The following DNAH5 variants were observed in gnomAD, a reference collection of about 807,000 sequenced individuals.
The protein encoded by DNAH5 is axonemal beta dynein heavy chain 5.
Under a neutral mutation model 518.2 loss-of-function variants are expected in DNAH5, and 372 were observed. That is an observed-to-expected ratio of 0.72 (90% CI 0.66 to 0.78). The LOEUF (loss-of-function observed/expected upper bound fraction) is 0.78, where lower values mean the gene tolerates loss of function less well. Ranked by LOEUF, DNAH5 falls within the 30% of genes least tolerant of loss-of-function variation. The probability of loss-of-function intolerance (pLI) is 0.00; values close to 1 mark genes in which losing one functional copy is unlikely to be tolerated. For missense variants in DNAH5, 5,523 were observed against 5,687.0 expected (o/e 0.97, Z 0.93); for synonymous variants, 2,039 against 2,025.9 (o/e 1.01, Z -0.17).
At chr5:13,726,555 T>A (rs1745767365) in intron 70 of DNAH5, among the ~76,000 whole-genome samples, 1 of 152,168 alleles carries the variant, frequency 6.6e-6, no homozygotes, top group South Asian at 2.1e-4. Flanking sequence ...TGTCCTTAAA[T>A]AAGGCAACCA....
Position 13,770,804 on chromosome 5 carries a change from C to T in DNAH5, c.9550G>A (p.Gly3184Ser). The part of the protein sequence containing the change: ...TPKSYLSFIQ[G>S]YKFIYGEKHV... The stretch of plus-strand genomic sequence containing the variant: ...TTTTCTCCATATATGAACTTATAGC[C>T]CTGAATAAAGGAGAGGTATGATTTG... The change falls in exon 56 of 79, where the codon GGC (glycine) becomes AGC (serine). Residue 3184 changes from glycine (G) to serine (S), a missense_variant. This residue lies in a region of DNAH5 where 5,121 missense variants were observed against 5,223.3 expected (regional missense o/e 0.98). Transcript: ENST00000265104. 1 of 1,613,986 alleles carries T rather than the reference C, an allele frequency of 6.2e-7. No homozygotes were observed. Among genetic ancestry groups the T allele is most frequent in the Non-Finnish European group, 8.5e-7 (1 of 1,179,972 alleles).
At chr5:13,991,066 A>G (rs1230129103) in intron 1 of DNAH5, among the ~76,000 whole-genome samples, 1 of 152,086 alleles carries the variant, frequency 6.6e-6, no homozygotes, top group East Asian at 1.9e-4. Context: ...GGCTGGATTG[A>G]CTTCTTGCCA....
At chr5:14,003,751 G>A (rs952989178) in intron 1 of DNAH5, among the ~76,000 whole-genome samples, 4 of 152,206 alleles carry the variant, frequency 2.6e-5, no homozygotes, top group African/African-American at 4.8e-5. Flanking sequence ...GCCAAGCCTT[G>A]CTCTCTGGAA....
At chr5:13,779,370 C>A (rs554584093) in intron 53 of DNAH5, among the ~76,000 whole-genome samples, 3 of 152,184 alleles carry the variant, frequency 2.0e-5, no homozygotes, top group African/African-American at 7.2e-5. Flanking sequence ...CAAAGTGTAA[C>A]AACAGCTTAA....
At chr5:13,938,537 T>C (rs916436257) in intron 1 of DNAH5, among the ~76,000 whole-genome samples, 15 of 150,614 alleles carry the variant, frequency 1.0e-4, no homozygotes, top group Admixed American at 2.7e-4. Context: ...TATATGTACA[T>C]ATGTATATAT....
chr5:13,757,312 A>C (rs895529990), intron 61 of DNAH5, among the ~76,000 whole-genome samples: 1 of 152,050 alleles, frequency 6.6e-6, no homozygotes, highest in Non-Finnish European at 1.5e-5. Context: ...ACTAACTTAC[A>C]CTCTGACCAG....
At position 13,885,213 on chromosome 5, in the gene DNAH5, C is replaced by T; in HGVS notation, c.2759G>A (p.Gly920Glu). ...KNESSAKREEGNFDTLTSSIN... is the reference protein window; with the variant it reads ...KNESSAKREEENFDTLTSSIN... ...AGATGATGTCAAGGTGTCAAAATTT[C>T]CTTCTTCTCTTTTTGCTGTTACAAG... is the stretch of plus-strand genomic sequence containing the variant. The change falls in exon 19 of 79, where the codon GGA becomes GAA. Residue 920 changes from glycine (G) to glutamate (E), a missense_variant. Coordinates refer to ENST00000265104, the MANE Select transcript of DNAH5 (RefSeq NM_001369.3). The T allele has an allele frequency of 6.2e-7, 1 of 1,614,076 alleles. No individual in the cohort carries two copies. The highest frequency in any genetic ancestry group is 1.3e-5 in the African/African-American group (1 of 75,042).
intron 28 of DNAH5, among the ~76,000 whole-genome samples, chr5:13,863,842 C>A (rs1768827981): frequency 1.3e-5 from 2 of 152,218 alleles, no homozygotes; most frequent in Non-Finnish European, 2.9e-5. Context: ...TAGGCCCACT[C>A]CACCTCCCTG....
At chr5:13,916,668 T>C (rs1454848617) in intron 8 of DNAH5, among the ~76,000 whole-genome samples, 2 of 152,060 alleles carry the variant, frequency 1.3e-5, no homozygotes, top group Non-Finnish European at 2.9e-5. Flanking sequence ...GGAAGAAACA[T>C]TGACCCACTG....
chr5:13,897,288 C>T (rs866789689), intron 15 of DNAH5, among the ~76,000 whole-genome samples: 78 of 152,288 alleles, frequency 5.1e-4, no homozygotes, highest in African/African-American at 1.8e-3. Flanking sequence ...CTTGTATCCA[C>T]TGCTTGTTTT....
intron 1 of DNAH5, among the ~76,000 whole-genome samples, chr5:13,953,530 T>C (rs950564178): frequency 2.6e-5 from 4 of 152,108 alleles, no homozygotes; most frequent in Non-Finnish European, 5.9e-5. Context: ...GTTGGGGACA[T>C]AAAGGACCTT....
intron 40 of DNAH5, among the ~76,000 whole-genome samples, 160 bp downstream of exon 40, chr5:13,823,103 G>A (rs150991474): frequency 6.6e-6 from 1 of 152,184 alleles, no homozygotes; most frequent in Non-Finnish European, 1.5e-5. Context: ...AGTTTGACTC[G>A]TGGTGTGCAT....
intron 60 of DNAH5, among the ~76,000 whole-genome samples, chr5:13,760,026 A>T (rs1273767258): frequency 6.6e-6 from 1 of 152,220 alleles, no homozygotes; most frequent in Non-Finnish European, 1.5e-5. Context: ...GTTACAATTT[A>T]AAAAGAACCT....
intron 25 of DNAH5, among the ~76,000 whole-genome samples, 171 bp downstream of exon 25, chr5:13,867,603 G>A (rs1337395866): frequency 2.8e-5 from 4 of 142,272 alleles, no homozygotes; most frequent in Non-Finnish European, 6.3e-5. Flanking sequence ...AAACTCTAAG[G>A]GGAAAGAATT....
intron 75 of DNAH5, among the ~76,000 whole-genome samples, chr5:13,710,080 G>A (rs981534685): frequency 3.3e-5 from 5 of 152,096 alleles, no homozygotes; most frequent in East Asian, 1.9e-4. Context: ...CGCCAACTCC[G>A]CCAGAACAAA....
intron 68 of DNAH5, among the ~76,000 whole-genome samples, chr5:13,734,816 G>C (rs1443911190): frequency 6.6e-6 from 1 of 151,694 alleles, no homozygotes; most frequent in Non-Finnish European, 1.5e-5. Context: ...TTTTCCATAG[G>C]ACTTACCATC....
rs1198648290 is a variant in DNAH5 at position 13,807,604 on chromosome 5, G to A, written c.7874C>T (p.Pro2625Leu). The change falls in exon 47 of 79, where the codon CCA becomes CTA. Residue 2625 changes from proline (P) to leucine (L), a missense_variant. Pro to Leu is a moderately conservative substitution (Grantham distance 98, BLOSUM62 -3). Coordinates refer to ENST00000265104, the MANE Select transcript of DNAH5 (RefSeq NM_001369.3). ...AAGAGCCAGTACCTGGAACATCAGT[G>A]GGGTGGTTGCAGAAGAAAAATTCAG... ...KSLNFSSATTPLMFQRTIESY... is the reference protein window; with the variant it reads ...KSLNFSSATTLLMFQRTIESY... 1 of 1,613,478 alleles carries A rather than the reference G, an allele frequency of 6.2e-7. No individual in the cohort carries two copies. The highest frequency in any genetic ancestry group is 8.5e-7 in the Non-Finnish European group (1 of 1,179,734).
At chr5:13,971,613 C>T (rs1157260119) in intron 1 of DNAH5, among the ~76,000 whole-genome samples, 1 of 152,174 alleles carries the variant, frequency 6.6e-6, no homozygotes, top group East Asian at 1.9e-4. Flanking sequence ...TGCAAAGAGC[C>T]CTGTGATGTG....
intron 51 of DNAH5, 31 bp from the exon 52 acceptor site, chr5:13,786,382 T>G (rs1300349274): frequency 6.2e-7 from 1 of 1,606,768 alleles, no homozygotes; most frequent in South Asian, 1.1e-5. Flanking sequence ...CAGTTAAGTT[T>G]CTGCAAATAC....
Sources: allele counts gnomAD v4.1 joint callset (sites outside exome capture counted in the v4.1 genomes callset), GRCh38; gene constraint gnomAD v4.1.1; regional missense constraint gnomAD v4.1.1; transcripts MANE v1.5; gene names NCBI Gene and HGNC (gene_info 2026-07-23, HGNC 2026-07-21).